WDR72: variants seen among roughly 807,000 people sequenced by gnomAD.
WDR72 encodes WD repeat domain 72, also known as WD repeat-containing protein 72.
A neutral mutation model predicts 124.2 loss-of-function variants in WDR72; 120 were observed. The ratio of observed to expected loss-of-function variants is 0.97; its 90% CI spans 0.83 to 1.12. The LOEUF (loss-of-function observed/expected upper bound fraction) is 1.12, where lower values mean the gene tolerates loss of function less well. WDR72 is among the 50% of genes most tolerant of loss of function. WDR72 has a pLI of 0.00. For missense variants in WDR72, 1,387 were observed against 1,278.8 expected, an observed-to-expected ratio of 1.08 and a Z score of -1.29; for synonymous variants, 452 against 441.7, an observed-to-expected ratio of 1.02 and a Z score of -0.29.
chr15:53,646,336 C>T (rs1429110645), intron 14 of WDR72, among the ~76,000 whole-genome samples: 1 of 152,044 alleles, frequency 6.6e-6, no homozygotes, highest in Non-Finnish European at 1.5e-5. Flanking sequence ...ATTCTCTTAT[C>T]ATATTTCCCA....
chr15:53,602,347 G>C (rs1042288119), intron 17 of WDR72, among the ~76,000 whole-genome samples: 1 of 152,058 alleles, frequency 6.6e-6, no homozygotes, highest in Non-Finnish European at 1.5e-5. Context: ...GGTTAAGAGA[G>C]TAATTTATGG....
chr15:53,562,724 TATCCCC>T (rs1894166687), intron 18 of WDR72, among the ~76,000 whole-genome samples: 1 of 151,858 alleles, frequency 6.6e-6, no homozygotes, highest in Non-Finnish European at 1.5e-5. Context: ...AGTGATTTCC[TATCCCC>T]TACTGCAAAC....
At chr15:53,711,825 C>T (rs1037253987) in intron 7 of WDR72, among the ~76,000 whole-genome samples, 12 of 152,182 alleles carry the variant, frequency 7.9e-5, no homozygotes, top group Admixed American at 2.0e-4. Flanking sequence ...ATATATATCA[C>T]GTAAATCTTT....
At chr15:53,648,424 A>T (rs2015117511) in intron 14 of WDR72, among the ~76,000 whole-genome samples, 3 of 152,134 alleles carry the variant, frequency 2.0e-5, no homozygotes, top group African/African-American at 7.2e-5. Flanking sequence ...TGCTTCCCAA[A>T]CTATGACACT....
chr15:53,668,224 T>C (rs2015846326), intron 13 of WDR72, among the ~76,000 whole-genome samples: 2 of 152,194 alleles, frequency 1.3e-5, no homozygotes, highest in African/African-American at 4.8e-5. Flanking sequence ...TGATTAGTTA[T>C]AAAATAGTTT....
At chr15:53,720,239 T>C (rs888012691) in intron 3 of WDR72, among the ~76,000 whole-genome samples, 12 of 152,304 alleles carry the variant, frequency 7.9e-5, no homozygotes, top group African/African-American at 2.9e-4. Context: ...CATATAAATA[T>C]AGCTTAAGGT....
chr15:53,598,293 A>G (rs1010957418), intron 17 of WDR72, among the ~76,000 whole-genome samples: 3 of 151,866 alleles, frequency 2.0e-5, no homozygotes, highest in South Asian at 2.1e-4. Context: ...GTGCCATAGC[A>G]TATATATTTT....
upstream of WDR72, among the ~76,000 whole-genome samples, chr15:53,762,365 C>T (rs983311215): frequency 3.9e-5 from 6 of 152,306 alleles, no homozygotes; most frequent in African/African-American, 1.4e-4. Flanking sequence ...CTCCTAATTA[C>T]CTTGCTTCCT....
At chr15:53,700,588 A>C (rs2017141645) in intron 12 of WDR72, among the ~76,000 whole-genome samples, 1 of 144,140 alleles carries the variant, frequency 6.9e-6, no homozygotes, top group African/African-American at 2.7e-5. Flanking sequence ...GACAATTACT[A>C]TCCAAGGTGG....
intron 10 of WDR72, 43 bp from the exon 11 acceptor site, chr15:53,705,276 T>C (rs1359769403): frequency 6.3e-7 from 1 of 1,593,102 alleles, no homozygotes; most frequent in Middle Eastern, 1.7e-4. Flanking sequence ...GGTTTATCAG[T>C]ACATCATAGA....
At chr15:53,674,240 C>T (rs963867856) in intron 13 of WDR72, among the ~76,000 whole-genome samples, 2 of 152,076 alleles carry the variant, frequency 1.3e-5, no homozygotes, top group Non-Finnish European at 2.9e-5. Flanking sequence ...TAAAAAATGA[C>T]CTCACTACCA....
At chr15:53,743,531 C>G (rs937806236) in intron 1 of WDR72, among the ~76,000 whole-genome samples, 1 of 152,108 alleles carries the variant, frequency 6.6e-6, no homozygotes, top group Non-Finnish European at 1.5e-5. Context: ...CAAATCGTTA[C>G]TTGCGAATGA....
In WDR72 at chr15:53,684,163, T is replaced by C. The variant is rs1205739038; in HGVS notation, c.1765+15587A>G. On this transcript the variant is annotated intron_variant, in intron 13 of 19. Transcript: ENST00000360509. The stretch of plus-strand genomic sequence containing the variant: ...AGACGAACCTTTAACAATGATTTTC[T>C]GCAAATGTTGAGATTCTACTGTTTT... 4 of 152,196 alleles carry C rather than the reference T, an allele frequency of 2.6e-5. No homozygotes were observed. The East Asian group carries it at 5.8e-4, about 22-fold the overall frequency. 9.4% of individuals were successfully genotyped at this position (152,196 alleles called of 1,614,324 possible). A position where few individuals can be genotyped will look rare whatever the true frequency, so the allele number is the denominator to read the frequency against.
At chr15:53,538,820 T>C (rs1015244958) in intron 18 of WDR72, among the ~76,000 whole-genome samples, 1 of 152,174 alleles carries the variant, frequency 6.6e-6, no homozygotes, top group East Asian at 1.9e-4. Context: ...CTGATCCTTC[T>C]ATAAAAGCAG....
At chr15:53,626,162 T>C (rs922799969) in intron 14 of WDR72, among the ~76,000 whole-genome samples, 1 of 152,132 alleles carries the variant, frequency 6.6e-6, no homozygotes, top group Non-Finnish European at 1.5e-5. Flanking sequence ...ACTTCCAAGA[T>C]GGTGGCAAGC....
At chr15:53,623,612 T>C (rs2014091825) in intron 14 of WDR72, among the ~76,000 whole-genome samples, 1 of 152,220 alleles carries the variant, frequency 6.6e-6, no homozygotes, top group Admixed American at 6.5e-5. Context: ...AGTGCTGCAA[T>C]GAACATACAA....
chr15:53,748,502 T>C (rs1218475768), intron 1 of WDR72, among the ~76,000 whole-genome samples: 4 of 152,202 alleles, frequency 2.6e-5, no homozygotes, highest in African/African-American at 9.7e-5. Flanking sequence ...CACAAATACT[T>C]GGTATGTACT....
At chr15:53,732,550 A>G (rs2140611094) in intron 2 of WDR72, among the ~76,000 whole-genome samples, 1 of 152,318 alleles carries the variant, frequency 6.6e-6, no homozygotes, top group South Asian at 2.1e-4. Context: ...AGGCAGGCAG[A>G]GACTAAAAGA....
chr15:53,649,703 A>T (rs563516), intron 14 of WDR72, among the ~76,000 whole-genome samples: 10,369 of 152,228 alleles, frequency 0.068, 1,156 homozygotes, highest in African/African-American at 0.24. Context: ...TTAATTATCA[A>T]AGAAATGCAA....
Sources: allele counts gnomAD v4.1 joint callset (sites outside exome capture counted in the v4.1 genomes callset), GRCh38; gene constraint gnomAD v4.1.1; transcripts MANE v1.5; gene names NCBI Gene and HGNC (gene_info 2026-07-23, HGNC 2026-07-21).